The following ZHX1 variants were observed in gnomAD, a reference collection of about 807,000 sequenced individuals.
The protein encoded by ZHX1 is zinc fingers and homeoboxes protein 1.
A neutral mutation model predicts 61.8 loss-of-function variants in ZHX1; 20 were observed. The ratio of observed to expected loss-of-function variants is 0.32; its 90% CI spans 0.23 to 0.47. The LOEUF is 0.47. Among genes scored for constraint, ZHX1 ranks in the 20% least tolerant of loss-of-function variants. The pLI, the probability that ZHX1 is intolerant of heterozygous loss-of-function variation, is 1.00. For synonymous variants in ZHX1, 318 were observed against 352.6 expected (o/e 0.90, Z 1.10); for missense variants, 800 against 1,034.8 (o/e 0.77, Z 3.11).
chr8:123,254,917 T>C lies in ZHX1; in HGVS notation c.1030A>G (p.Thr344Ala). ...CTTGCCTCCTCTACTTCCTCGGGAG[T>C]CCAACTAACACCATGTTTTAAACGT... is the stretch of plus-strand genomic sequence containing the variant. ...AQRLKHGVSW[T>A]PEEVEEARRK... The change falls in exon 3 of 4, where the codon ACT becomes GCT. Residue 344 changes from threonine to alanine, a missense_variant. By Grantham distance (58) the Thr-to-Ala change is moderately conservative. Coordinates refer to ENST00000395571, the MANE Select transcript of ZHX1 (RefSeq NM_007222.5). The surrounding 1 kb of genome is among the most constrained non-coding windows in gnomAD (Gnocchi z 4.1). 1 of 1,614,180 alleles carries C rather than the reference T, an allele frequency of 6.2e-7. No individual in the cohort carries two copies. The highest frequency in any genetic ancestry group is 8.5e-7 in the Non-Finnish European group (1 of 1,180,024).
chr8:123,270,452 A>C (rs1331690130), intron 1 of ZHX1, among the ~76,000 whole-genome samples: 1 of 152,054 alleles, frequency 6.6e-6, no homozygotes, highest in African/African-American at 2.4e-5. Context: ...TTAAAATCTA[A>C]AACTAAGAAC....
chr8:123,254,585 T>G lies in ZHX1; in HGVS notation c.1362A>C (p.Lys454Asn), dbSNP rs1243107380. Residue 454 changes from lysine to asparagine, a missense_variant, in exon 3 of 4, where the codon AAA (lysine) becomes AAC (asparagine). Coordinates refer to ENST00000395571, the MANE Select transcript of ZHX1 (RefSeq NM_007222.5). This position sits in a 1 kb window ranked among gnomAD's most constrained non-coding sequence, Gnocchi z 4.1. ...CAGGGTTTACCAATGCAGTTTCATGTTTGACACTTTGAGAAGTTGGAACTG... is the reference window on the plus strand; with the variant it reads ...CAGGGTTTACCAATGCAGTTTCATGGTTGACACTTTGAGAAGTTGGAACTG... ...TAAVPTSQSV[K>N]HETALVNPDS... The G allele has an allele frequency of 5.0e-6, 8 of 1,614,226 alleles. No homozygotes were observed. Among genetic ancestry groups the G allele is most frequent in the Non-Finnish European group, 6.8e-6 (8 of 1,180,028 alleles).
chr8:123,254,717 T>C lies in ZHX1; in HGVS notation c.1230A>G (p.Thr410=), dbSNP rs762198207. The part of the protein sequence containing the change: ...QVAGTNTLPV[T]APIALTVAGV... Reference sequence around the variant, plus strand: ...CTGCCACTGTCAAGGCTATAGGTGCTGTAACTGGCAAGGTGTTTGTTCCAG... The same window carrying C: ...CTGCCACTGTCAAGGCTATAGGTGCCGTAACTGGCAAGGTGTTTGTTCCAG... The change falls in exon 3 of 4, where the codon ACA becomes ACG. Residue 410 remains threonine, a synonymous_variant. Transcript: ENST00000395571. This position sits in a 1 kb window ranked among gnomAD's most constrained non-coding sequence, Gnocchi z 4.1. 1.9e-6 allele frequency: 3 copies of C among 1,614,226 alleles called. No individual in the cohort carries two copies. Among genetic ancestry groups the C allele is most frequent in the Admixed American group, 3.3e-5 (2 of 60,018 alleles).
chr8:123,255,512 T>G lies in ZHX1; in HGVS notation c.435A>C (p.Glu145Asp), dbSNP rs370578645. The G allele has an allele frequency of 6.2e-7, 1 of 1,613,534 alleles. No individual in the cohort carries two copies. The highest frequency in any genetic ancestry group is 8.5e-7 in the Non-Finnish European group (1 of 1,180,020). ...MVKRNNQTIF[E>D]QTINDLTFDG... ...CAAAAGTCAGATCATTTATTGTTTG[T>G]TCAAAGATTGTCTGGTTATTACGTT... Residue 145 changes from glutamate (E) to aspartate (D), a missense_variant, in exon 3 of 4, where the codon GAA (glutamate) becomes GAC (aspartate). Transcript: ENST00000395571.
At chr8:123,267,958 G>A (rs1019328548) in intron 1 of ZHX1, among the ~76,000 whole-genome samples, 4 of 152,262 alleles carry the variant, frequency 2.6e-5, no homozygotes, top group East Asian at 3.9e-4. Context: ...CCGAGATTGC[G>A]CCATTGCACC....
chr8:123,269,738 G>C (rs1017548655), intron 1 of ZHX1, among the ~76,000 whole-genome samples: 1 of 152,180 alleles, frequency 6.6e-6, no homozygotes, highest in Non-Finnish European at 1.5e-5. Context: ...GATTGGAATA[G>C]GTAACACGTG....
At chr8:123,260,741 G>A (rs1826224032) in intron 2 of ZHX1, among the ~76,000 whole-genome samples, 1 of 152,100 alleles carries the variant, frequency 6.6e-6, no homozygotes, top group Admixed American at 6.6e-5. Context: ...GAGAGGACAG[G>A]TGCAGTGGCT....
At chr8:123,268,285 G>T (rs1826531443) in intron 1 of ZHX1, among the ~76,000 whole-genome samples, 1 of 152,082 alleles carries the variant, frequency 6.6e-6, no homozygotes, top group East Asian at 1.9e-4. Flanking sequence ...ACTACCAAAT[G>T]GCTTTACAAT....
intron 1 of ZHX1, among the ~76,000 whole-genome samples, chr8:123,273,303 T>G (rs1203932146): frequency 6.6e-6 from 1 of 152,200 alleles, no homozygotes; most frequent in East Asian, 1.9e-4. Flanking sequence ...GGAAAGGGGA[T>G]CTGCCAGGGC....
intron 2 of ZHX1, among the ~76,000 whole-genome samples, chr8:123,264,768 C>G (rs1826396903): frequency 6.7e-6 from 1 of 148,792 alleles, no homozygotes; most frequent in Non-Finnish European, 1.5e-5. Flanking sequence ...ACCATCTTGT[C>G]CAGGCTGGTC....
rs1279087239 is a variant in ZHX1 at position 123,255,455 on chromosome 8, C to T, written c.492G>A (p.Glu164=). 1.2e-6 allele frequency: 2 copies of T among 1,613,344 alleles called. No individual in the cohort carries two copies. Among genetic ancestry groups the T allele is most frequent in the Admixed American group, 1.7e-5 (1 of 60,028 alleles). ...AAGAAACTTCTGTAGATTCTGCTTG[C>T]TCTGCATTCTCCTCTTTAACAAAAC... The part of the protein sequence containing the change: ...DGSFVKEENA[E]QAESTEVSSS... Residue 164 remains glutamate (E), a synonymous_variant, in exon 3 of 4, where the codon GAG becomes GAA. Coordinates refer to ENST00000395571, the MANE Select transcript of ZHX1 (RefSeq NM_007222.5).
At chr8:123,274,320 C>T (rs1425054542), upstream of ZHX1, 2 of 152,322 alleles carry the variant, frequency 1.3e-5, no homozygotes, top group African/African-American at 4.8e-5. Context: ...ACCCTAAACC[C>T]GGAACCGCTC....
rs762498515 is a variant in ZHX1 at position 123,253,406 on chromosome 8, C to A, written c.2541G>T (p.Glu847Asp). 1.2e-6 allele frequency: 2 copies of A among 1,613,958 alleles called. No individual in the cohort carries two copies. Among genetic ancestry groups the A allele is most frequent in the East Asian group, 4.5e-5 (2 of 44,874 alleles). The change falls in exon 3 of 4, where the codon GAG (glutamate) becomes GAT (aspartate). Residue 847 changes from glutamate (E) to aspartate (D), a missense_variant. Physicochemically the swap from Glu to Asp is conservative, Grantham distance 45 (BLOSUM62 2). Transcript: ENST00000395571. ...EEDEVIDDQE[E>D]DEEETDDSDT... ...CACTATCATCTGTTTCTTCTTCATCCTCTTCCTGGTCATCAATAACTTCAT... is the reference window on the plus strand; with the variant it reads ...CACTATCATCTGTTTCTTCTTCATCATCTTCCTGGTCATCAATAACTTCAT...
chr8:123,254,065 C>T lies in ZHX1; in HGVS notation c.1882G>A (p.Glu628Lys), dbSNP rs940806601. 3 of 1,614,032 alleles carry T rather than the reference C, an allele frequency of 1.9e-6. No individual in the cohort carries two copies. The highest frequency in any genetic ancestry group is 2.5e-6 in the Non-Finnish European group (3 of 1,180,026). The change falls in exon 3 of 4, where the codon GAG (glutamate) becomes AAG (lysine). Residue 628 changes from glutamate to lysine, a missense_variant. Transcript: ENST00000395571. The surrounding 1 kb of genome is among the most constrained non-coding windows in gnomAD (Gnocchi z 4.1). ...TTACTTTCATCTATTTCCATTTTCTCTTCCTTTAAAGCTTTTGATTTCTTC... is the reference window on the plus strand; with the variant it reads ...TTACTTTCATCTATTTCCATTTTCTTTTCCTTTAAAGCTTTTGATTTCTTC... ...EKKKSKALKE[E>K]KMEIDESNAG...
chr8:123,255,706 C>T lies in ZHX1; in HGVS notation c.241G>A (p.Asp81Asn). 6 of 1,613,774 alleles carry T rather than the reference C, an allele frequency of 3.7e-6. No individual in the cohort carries two copies. Among genetic ancestry groups the T allele is most frequent in the Non-Finnish European group, 5.1e-6 (6 of 1,179,866 alleles). ...ECKYCTFQTP[D>N]LNMFTFHVDS... ...ACATGAAAAGTAAACATATTTAGAT[C>T]TGGAGTTTGAAAAGTACAATATTTA... The change falls in exon 3 of 4, where the codon GAT (aspartate) becomes AAT (asparagine). Residue 81 changes from aspartate to asparagine, a missense_variant. By Grantham distance (23) the Asp-to-Asn change is conservative. Transcript: ENST00000395571.
chr8:123,257,420 A>G (rs1826105601), intron 2 of ZHX1, among the ~76,000 whole-genome samples: 2 of 152,128 alleles, frequency 1.3e-5, no homozygotes, highest in African/African-American at 4.8e-5. Flanking sequence ...GTATACCAGA[A>G]ATGGCTGCCA....
chr8:123,272,097 G>T (rs1030035875), intron 1 of ZHX1, among the ~76,000 whole-genome samples: 1 of 152,220 alleles, frequency 6.6e-6, no homozygotes, highest in Non-Finnish European at 1.5e-5. Context: ...TTCTAAACTA[G>T]TTTCTATTTG....
At position 123,256,015 on chromosome 8, in the gene ZHX1, T is replaced by A; in HGVS notation, c.-69A>T. ...GAGGCTTAAAACTGTTCAGTGTTCT[T>A]CATTTGAAAACAATGGCTTTTGGTT... On this transcript the variant is annotated 5_prime_UTR_variant, in exon 3 of 4. It removes the in-frame stop codon of an upstream open reading frame in the 5' UTR. Coordinates refer to ENST00000395571, the MANE Select transcript of ZHX1 (RefSeq NM_007222.5). The A allele has an allele frequency of 7.0e-7, 1 of 1,427,874 alleles. No individual in the cohort carries two copies. The highest frequency in any genetic ancestry group is 9.4e-7 in the Non-Finnish European group (1 of 1,065,614). The allele number at this position is 1,427,874 out of a possible 1,614,324, so 88.5% of individuals were successfully genotyped here.
intron 2 of ZHX1, among the ~76,000 whole-genome samples, chr8:123,263,741 G>GCACTT (rs1826361956): frequency 6.6e-6 from 1 of 152,102 alleles, no homozygotes. Context: ...GACTGAGGCA[G>GCACTT]GAGAATCACT....
Sources: allele counts gnomAD v4.1 joint callset (sites outside exome capture counted in the v4.1 genomes callset), GRCh38; gene constraint gnomAD v4.1.1; non-coding constraint Gnocchi (gnomAD v3.1); transcripts MANE v1.5; gene names NCBI Gene and HGNC (gene_info 2026-07-23, HGNC 2026-07-21).